The following AKAP9 variants were observed in gnomAD, a reference collection of about 807,000 sequenced individuals.
AKAP9 encodes A-kinase anchoring protein 9, also known as A-kinase anchor protein 9.
A neutral mutation model predicts 488.5 loss-of-function variants in AKAP9; 311 were observed. That is an observed-to-expected ratio of 0.64 (90% CI 0.58 to 0.70). AKAP9 has a LOEUF of 0.70. Among genes scored for constraint, AKAP9 ranks in the 30% least tolerant of loss-of-function variants. The probability of loss-of-function intolerance (pLI) is 0.00; values close to 1 mark genes in which losing one functional copy is unlikely to be tolerated. For missense variants in AKAP9, 4,215 were observed against 4,374.5 expected (o/e 0.96, Z 1.03); for synonymous variants, 1,462 against 1,483.5 (o/e 0.99, Z 0.33).
intron 1 of AKAP9, among the ~76,000 whole-genome samples, chr7:91,958,532 A>AT (rs1793328561): frequency 1.3e-5 from 2 of 152,196 alleles, no homozygotes; most frequent in Non-Finnish European, 2.9e-5. Flanking sequence ...GTGACATCTA[A>AT]ACAGCACTTT....
intron 18 of AKAP9, 53 bp downstream of exon 18, chr7:92,040,951 C>A (rs970762736): frequency 6.4e-6 from 9 of 1,414,548 alleles, no homozygotes; most frequent in African/African-American, 1.4e-5. Flanking sequence ...TTTCCAAACA[C>A]CAACTTGAAC....
rs749361447 is a variant in AKAP9, at chr7:92,017,083, T to C, written c.3818T>C (p.Leu1273Pro). The C allele has an allele frequency of 2.5e-6, 4 of 1,582,742 alleles. No individual in the cohort carries two copies. The highest frequency in any genetic ancestry group is 3.5e-6 in the Non-Finnish European group (4 of 1,156,812). ...GAAGAATACAACAAACTCTTGGTAC[T>C]TCAAACACGACTAAGCAAGGTCTGT... ...VTEEYNKLLV[L>P]QTRLSKIWGQ... Residue 1273 changes from leucine (L) to proline (P), a missense_variant, in exon 12 of 50, where the codon CTT (leucine) becomes CCT (proline). Leu to Pro is a moderately conservative substitution (Grantham distance 98). This residue lies in a region of AKAP9 where 2,361 missense variants were observed against 2,430.0 expected (regional missense o/e 0.97). Coordinates refer to ENST00000356239, the MANE Select transcript of AKAP9 (RefSeq NM_005751.5).
chr7:92,040,799 AT>A lies in AKAP9; in HGVS notation c.4820del (p.Leu1607CysfsTer2). ...ACCAAGAACATCAACAGGCAACGGA[AT>A]TGTTAAGGCAAGCACATATGCGGCA... ...QYQEHQQATE[L>X]LRQAHMRQME... is the part of the protein sequence containing the mutation. On this transcript the variant is annotated frameshift_variant, in exon 18 of 50. Transcript: ENST00000356239. LOFTEE classifies it high-confidence loss of function. The A allele has an allele frequency of 6.2e-7, 1 of 1,614,086 alleles. No homozygotes were observed. Among genetic ancestry groups the A allele is most frequent in the Non-Finnish European group, 8.5e-7 (1 of 1,180,012 alleles).
intron 3 of AKAP9, among the ~76,000 whole-genome samples, chr7:91,983,799 G>A (rs971790874): frequency 6.6e-6 from 1 of 152,162 alleles, no homozygotes; most frequent in Non-Finnish European, 1.5e-5. Flanking sequence ...TCCAGCATCT[G>A]TTGTTTCCTG....
At chr7:92,008,020 T>G (rs1004841198) in intron 8 of AKAP9, among the ~76,000 whole-genome samples, 6 of 152,088 alleles carry the variant, frequency 3.9e-5, no homozygotes, top group African/African-American at 1.4e-4. Context: ...ATAAGCAAAG[T>G]TAGAATAACC....
At chr7:91,960,274 C>G (rs1428152024) in intron 1 of AKAP9, among the ~76,000 whole-genome samples, 1 of 152,050 alleles carries the variant, frequency 6.6e-6, no homozygotes. Context: ...TTTTTATTTT[C>G]TCTCCAGTCT....
Position 92,079,410 on chromosome 7 carries a change from T to C in AKAP9, c.7277T>C (p.Leu2426Pro), listed in dbSNP as rs776796632. The C allele has an allele frequency of 3.7e-6, 6 of 1,614,068 alleles. No homozygotes were observed. The highest frequency in any genetic ancestry group is 5.1e-6 in the Non-Finnish European group (6 of 1,179,986). Reference sequence around the variant, plus strand: ...GAAACCAATTTTAAAATGAATCAGCTAACACAGGAATTATTCAGCTTAAAG... The same window carrying C: ...GAAACCAATTTTAAAATGAATCAGCCAACACAGGAATTATTCAGCTTAAAG... ...LKETNFKMNQ[L>P]TQELFSLKRE... The change falls in exon 31 of 50, where the codon CTA (leucine) becomes CCA (proline). Residue 2426 changes from leucine (L) to proline (P), a missense_variant. Coordinates refer to ENST00000356239, the MANE Select transcript of AKAP9 (RefSeq NM_005751.5).
intron 39 of AKAP9, 91 bp downstream of exon 39, chr7:92,093,407 C>G (rs912066912): frequency 1.8e-6 from 2 of 1,115,026 alleles, no homozygotes; most frequent in African/African-American, 3.1e-5. Flanking sequence ...ATGTAACATG[C>G]ATGATATTTA....
chr7:92,085,666 C>G lies in AKAP9; in HGVS notation c.9004C>G (p.Gln3002Glu), dbSNP rs778864019. Residue 3002 changes from glutamine to glutamate, a missense_variant, in exon 36 of 50, where the codon CAA (glutamine) becomes GAA (glutamate). By Grantham distance (29) the Gln-to-Glu change is conservative. Transcript: ENST00000356239. ...TCTAAAGGATTTAATTACAAAGATG[C>G]AACTGCAAAGAGAAGCCGAGGTAAC... is the stretch of plus-strand genomic sequence containing the variant. ...SSLKDLITKM[Q>E]LQREAEVYDS... is the part of the protein sequence containing the mutation. 2 of 1,612,806 alleles carry G rather than the reference C, an allele frequency of 1.2e-6. No homozygotes were observed. Among genetic ancestry groups the G allele is most frequent in the Non-Finnish European group, 1.7e-6 (2 of 1,179,556 alleles).
At chr7:92,057,937 A>G (rs112193793) in intron 22 of AKAP9, 5,268 of 227,210 alleles carry the variant, frequency 0.023, 101 homozygotes, top group Non-Finnish European at 0.034. Context: ...TTGAGGGGGC[A>G]TCAAGATTGA....
At chr7:92,026,803 A>T (rs1000029387) in intron 14 of AKAP9, among the ~76,000 whole-genome samples, 2 of 146,576 alleles carry the variant, frequency 1.4e-5, no homozygotes, top group African/African-American at 5.1e-5. Context: ...ATCATCTGGG[A>T]TGTGAGGAGC....
In AKAP9 at chr7:91,950,116, T is replaced by G. The variant is rs149432610; in HGVS notation, c.48+8969T>G. ...TGAAAAACTAATAGGGTATAAAATC[T>G]AGGCTCTCTCTCCTATTAGTACTGA... On this transcript the variant is annotated intron_variant, in intron 1 of 49. Coordinates refer to ENST00000356239, the MANE Select transcript of AKAP9 (RefSeq NM_005751.5). Among the ~76,000 whole-genome samples, 3 of 152,314 alleles carry G rather than the reference T, an allele frequency of 2.0e-5. No individual in the cohort carries two copies. In the East Asian group the frequency reaches 5.8e-4, roughly 29 times the overall value.
intron 28 of AKAP9, among the ~76,000 whole-genome samples, chr7:92,075,497 T>C (rs557314095): frequency 8.8e-4 from 134 of 152,266 alleles, no homozygotes; most frequent in African/African-American, 3.2e-3. Context: ...GAAAAAATTT[T>C]AAGTGTAAGT....
chr7:92,061,480 T>C, intron 23 of AKAP9, 58 bp downstream of exon 23: 5 of 1,589,368 alleles, frequency 3.1e-6, no homozygotes, highest in Non-Finnish European at 4.3e-6. Context: ...AAAATAGAGA[T>C]TTTTGATGCA....
rs1407108525 is a variant in AKAP9, at chr7:91,992,914, T to C, written c.435T>C (p.Tyr145=). The part of the protein sequence containing the change: ...REEEFGVDDS[Y]SEQGAQDSPT... ...AAGAATTTGGTGTTGATGATTCTTA[T>C]TCTGAACAAGGAGCACAAGACAGTC... Residue 145 remains tyrosine (Y), a synonymous_variant, in exon 5 of 50, where the codon TAT becomes TAC. Transcript: ENST00000356239. 14 of 1,613,922 alleles carry C rather than the reference T, an allele frequency of 8.7e-6. No homozygotes were observed. The highest frequency in any genetic ancestry group is 2.2e-5 in the South Asian group (2 of 91,080).
intron 19 of AKAP9, among the ~76,000 whole-genome samples, chr7:92,042,407 G>A (rs1020465490): frequency 6.6e-6 from 1 of 152,124 alleles, no homozygotes. Context: ...TCACCAAAGA[G>A]AACCTAACAA....
chr7:92,023,135 T>C, intron 14 of AKAP9, 126 bp downstream of exon 14: 2 of 954,992 alleles, frequency 2.1e-6, no homozygotes, highest in Non-Finnish European at 3.3e-6. Context: ...GGATGTAGCA[T>C]TTTTTAGAAA....
intron 46 of AKAP9, among the ~76,000 whole-genome samples, chr7:92,104,964 CTA>C (rs2130920071): frequency 6.6e-6 from 1 of 152,246 alleles, no homozygotes; most frequent in South Asian, 2.1e-4. Flanking sequence ...TTAGAGGGAT[CTA>C]GAGAGGCTTC....
Position 92,097,129 on chromosome 7 carries a change from A to C in AKAP9, c.10170A>C (p.Thr3390=). ...AAGATAGGCAGGTTCACAGGAAAAC[A>C]CTGCAGACAGAACAGGAGGCCAACA... ...MEKDRQVHRK[T]LQTEQEANTE... The change falls in exon 41 of 50, where the codon ACA becomes ACC. Residue 3390 remains threonine (T), a synonymous_variant. Coordinates refer to ENST00000356239, the MANE Select transcript of AKAP9 (RefSeq NM_005751.5). 1 of 1,614,238 alleles carries C rather than the reference A, an allele frequency of 6.2e-7. No homozygotes were observed. Among genetic ancestry groups the C allele is most frequent in the Non-Finnish European group, 8.5e-7 (1 of 1,180,036 alleles).
Sources: gnomAD v4.1 joint callset for allele counts (sites outside exome capture counted in the v4.1 genomes callset) on GRCh38, gnomAD v4.1.1 for gene constraint, gnomAD v4.1.1 regional missense constraint, MANE v1.5 for transcripts, NCBI Gene and HGNC (gene_info 2026-07-23, HGNC 2026-07-21) for gene names.